The following MYCBP2 variants were observed in gnomAD, a reference collection of about 807,000 sequenced individuals.
MYCBP2 encodes E3 ubiquitin-protein ligase MYCBP2.
MYCBP2 carries 120 observed loss-of-function variants against 525.3 expected under a neutral mutation model. That is an observed-to-expected ratio of 0.23 (90% CI 0.20 to 0.27). MYCBP2 has a LOEUF of 0.27. MYCBP2 is among the 10% of genes least tolerant of loss of function. MYCBP2 has a pLI of 1.00. For missense variants in MYCBP2, 4,149 were observed against 5,657.1 expected, an observed-to-expected ratio of 0.73 and a Z score of 8.55; for synonymous variants, 1,894 against 1,955.8, an observed-to-expected ratio of 0.97 and a Z score of 0.83.
At chr13:77,305,413 G>A (rs1002269206) in intron 1 of MYCBP2, among the ~76,000 whole-genome samples, 23 of 152,056 alleles carry the variant, frequency 1.5e-4, no homozygotes, top group Non-Finnish European at 1.0e-4. Flanking sequence ...AAAACATTAT[G>A]CTAAGTGAAA....
intron 65 of MYCBP2, among the ~76,000 whole-genome samples, chr13:77,080,313 C>A (rs565694360): frequency 1.3e-5 from 2 of 152,174 alleles, no homozygotes; most frequent in South Asian, 4.2e-4. Context: ...GTGGCTCTTC[C>A]TGAGAAAGGA....
chr13:77,292,756 T>G (rs1234899679), intron 2 of MYCBP2, among the ~76,000 whole-genome samples: 1 of 151,886 alleles, frequency 6.6e-6, no homozygotes, highest in East Asian at 1.9e-4. Context: ...GTCAGGAGTT[T>G]GAGACAGCCT....
chr13:77,168,541 T>A lies in MYCBP2; in HGVS notation c.6001A>T (p.Ser2001Cys), dbSNP rs755306153. 6.2e-7 allele frequency: 1 copy of A among 1,614,182 alleles called. No homozygotes were observed. Among genetic ancestry groups the A allele is most frequent in the Non-Finnish European group, 8.5e-7 (1 of 1,180,044 alleles). ...PAFNPNQSTD[S>C]TTGNQPEQGL... The stretch of plus-strand genomic sequence containing the variant: ...TGTTCAGGCTGGTTTCCTGTGGTGC[T>A]ATCTGTCGACTGATTAGGGTTGAAG... Residue 2001 changes from serine (S) to cysteine (C), a missense_variant, in exon 40 of 83, where the codon AGC becomes TGC. Physicochemically the swap from Ser to Cys is moderately radical, Grantham distance 112. Coordinates refer to ENST00000544440, the MANE Select transcript of MYCBP2 (RefSeq NM_015057.5).
intron 41 of MYCBP2, 26 bp from the exon 42 acceptor site, chr13:77,165,417 C>G: frequency 6.7e-7 from 1 of 1,498,052 alleles, no homozygotes; most frequent in Non-Finnish European, 9.1e-7. Context: ...GAATTGAGTT[C>G]AAACTCTAAA....
At chr13:77,138,890 A>T (rs530614136) in intron 52 of MYCBP2, among the ~76,000 whole-genome samples, 1 of 152,340 alleles carries the variant, frequency 6.6e-6, no homozygotes, top group South Asian at 2.1e-4. Flanking sequence ...ATAAATAAGA[A>T]AGAAAAAAAT....
chr13:77,311,941 C>T (rs1348593170), intron 1 of MYCBP2, among the ~76,000 whole-genome samples: 3 of 151,980 alleles, frequency 2.0e-5, no homozygotes, highest in Non-Finnish European at 4.4e-5. Context: ...TGACTAGATA[C>T]ACATCAAATT....
chr13:77,062,447 G>T, intron 74 of MYCBP2, 149 bp downstream of exon 74: 1 of 661,968 alleles, frequency 1.5e-6, no homozygotes, highest in Non-Finnish European at 2.6e-6. Flanking sequence ...AGACTTGTGA[G>T]ATGAACTTGG....
chr13:77,301,422 CAAAAAAAAAAAAAAAA>C (rs11338423), intron 1 of MYCBP2, among the ~76,000 whole-genome samples: 4,132 of 40,682 alleles, frequency 0.1, 96 homozygotes, highest in East Asian at 0.14. Context: ...GACTCCATCT[CAAAAAAAAAAAAAAAA>C]AAAAAAAAAA....
At chr13:77,274,622 T>C (rs974076152) in intron 4 of MYCBP2, among the ~76,000 whole-genome samples, 3 of 152,176 alleles carry the variant, frequency 2.0e-5, no homozygotes, top group Admixed American at 6.6e-5. Context: ...TCATCTTCCA[T>C]AGCTAATCCC....
chr13:77,265,665 C>T (rs1258961983), intron 8 of MYCBP2, among the ~76,000 whole-genome samples: 5 of 152,166 alleles, frequency 3.3e-5, no homozygotes, highest in Non-Finnish European at 7.4e-5. Flanking sequence ...TTTACTTCTG[C>T]TCCTTGATTG....
At chr13:77,151,036 A>C in intron 46 of MYCBP2, 87 bp from the exon 47 acceptor site, 1 of 1,052,828 alleles carries the variant, frequency 9.5e-7, no homozygotes, top group Non-Finnish European at 1.4e-6. Context: ...ATAAACTCAT[A>C]ATTATGTATA....
At position 77,045,513 on chromosome 13, in the gene MYCBP2, G is replaced by T. The variant is rs1295163011; in HGVS notation, c.13922-20C>A. 5 of 1,488,488 alleles carry T rather than the reference G, an allele frequency of 3.4e-6. No individual in the cohort carries two copies. The East Asian group carries it at 9.0e-5, about 27-fold the overall frequency. The allele number at this position is 1,488,488 out of a possible 1,614,324, so 92.2% of individuals were successfully genotyped here. On this transcript the variant is annotated intron_variant, in intron 82 of 82. Coordinates refer to ENST00000544440, the MANE Select transcript of MYCBP2 (RefSeq NM_015057.5). ...TGGGACCTGTATAAATTTGAAGGAG[G>T]CAAAGGAAAATAATGTTTTAAGAAT...
intron 68 of MYCBP2, among the ~76,000 whole-genome samples, chr13:77,076,466 A>G (rs1054231383): frequency 3.3e-5 from 5 of 152,200 alleles, no homozygotes; most frequent in Non-Finnish European, 7.3e-5. Flanking sequence ...GACAGGGACA[A>G]TGGAGGAGGG....
intron 3 of MYCBP2, among the ~76,000 whole-genome samples, chr13:77,285,333 A>C (rs550201013): frequency 2.0e-5 from 3 of 152,328 alleles, no homozygotes; most frequent in South Asian, 4.1e-4. Context: ...TTCTAACTAA[A>C]AAGTAAATTA....
At chr13:77,134,536 C>T (rs994318446) in intron 52 of MYCBP2, among the ~76,000 whole-genome samples, 1 of 148,682 alleles carries the variant, frequency 6.7e-6, no homozygotes, top group Admixed American at 6.7e-5. Context: ...GCTGTAAAAA[C>T]AAACAAACAA....
rs562128181 is a variant in MYCBP2, at chr13:77,131,036, TC to T, written c.7660-4495del. Among the ~76,000 whole-genome samples, 301 of 152,280 alleles carry T rather than the reference TC, an allele frequency of 2.0e-3. 2 individuals are homozygous for T. Among genetic ancestry groups the T allele is most frequent in the Non-Finnish European group, 1.6e-3 (112 of 68,018 alleles). ...CTGTGGTAATAAATTGCCAATAAAATCAATTCTGTATATGCTTCCATGTAAA... is the reference window on the plus strand; with the variant it reads ...CTGTGGTAATAAATTGCCAATAAAATAATTCTGTATATGCTTCCATGTAAA... On this transcript the variant is annotated intron_variant, in intron 52 of 82. Coordinates refer to ENST00000544440, the MANE Select transcript of MYCBP2 (RefSeq NM_015057.5).
intron 26 of MYCBP2, among the ~76,000 whole-genome samples, chr13:77,195,512 G>C (rs1174853616): frequency 1.3e-5 from 2 of 152,128 alleles, no homozygotes; most frequent in Non-Finnish European, 1.5e-5. Context: ...CAGAAGAATT[G>C]CTTGAACCCA....
chr13:77,144,390 A>G, intron 49 of MYCBP2, 55 bp downstream of exon 49: 1 of 1,239,862 alleles, frequency 8.1e-7, no homozygotes, highest in Non-Finnish European at 1.2e-6. Context: ...GATAAAAATA[A>G]TTTTGACTCT....
At chr13:77,139,108 C>G (rs2054193544) in intron 52 of MYCBP2, 88 bp downstream of exon 52, 4 of 1,406,892 alleles carry the variant, frequency 2.8e-6, no homozygotes, top group Non-Finnish European at 2.9e-6. Context: ...TGTGGGTTAC[C>G]TCAGAACTGA....
Sources: gnomAD v4.1 joint callset for allele counts (sites outside exome capture counted in the v4.1 genomes callset) on GRCh38, gnomAD v4.1.1 for gene constraint, MANE v1.5 for transcripts, NCBI Gene and HGNC (gene_info 2026-07-23, HGNC 2026-07-21) for gene names.